GRM8: variants seen among roughly 807,000 people sequenced by gnomAD.
GRM8 encodes glutamate metabotropic receptor 8.
Under a neutral mutation model 87.2 loss-of-function variants are expected in GRM8, and 47 were observed. The ratio of observed to expected loss-of-function variants is 0.54; its 90% CI spans 0.43 to 0.69. The LOEUF (loss-of-function observed/expected upper bound fraction) is 0.69. Ranked by LOEUF, GRM8 falls within the 30% of genes least tolerant of loss-of-function variation. GRM8 has a pLI of 0.00. For synonymous variants in GRM8, 396 were observed against 404.5 expected (o/e 0.98, Z 0.25); for missense variants, 1,019 against 1,139.2 (o/e 0.89, Z 1.52).
chr7:126,564,889 G>T (rs1388404258), intron 8 of GRM8, among the ~76,000 whole-genome samples: 1 of 151,952 alleles, frequency 6.6e-6, no homozygotes, highest in Admixed American at 6.6e-5. Flanking sequence ...TGGCCAATTG[G>T]GATTTATCCC....
chr7:127,001,118 T>C (rs1163013481), intron 3 of GRM8, among the ~76,000 whole-genome samples: 1 of 151,630 alleles, frequency 6.6e-6, no homozygotes, highest in African/African-American at 2.4e-5. Context: ...TAGACACATA[T>C]ATGATCAATT....
rs182318641 is a variant in GRM8, at chr7:127,064,956, G to T, written c.727+41540C>A. On this transcript the variant is annotated intron_variant, in intron 3 of 10. Coordinates refer to ENST00000339582, the MANE Select transcript of GRM8 (RefSeq NM_000845.3). ...TTCAACCATTGTGGGAAGCAGTATG[G>T]CAATTCCTCAAAGAGCTAAAAGCAG... Among the ~76,000 whole-genome samples the T allele has an allele frequency of 3.2e-4, 48 of 152,310 alleles. No individual in the cohort carries two copies. In the East Asian group the frequency reaches 6.0e-3, roughly 19 times the overall value.
intron 10 of GRM8, 80 bp from the exon 11 acceptor site, chr7:126,439,248 C>T: frequency 1.2e-6 from 1 of 835,918 alleles, no homozygotes; most frequent in South Asian, 1.4e-5. Context: ...AATTCAAGTC[C>T]TGTAATGACT....
intron 2 of GRM8, among the ~76,000 whole-genome samples, chr7:127,177,481 T>C (rs1216859824): frequency 6.6e-6 from 1 of 152,130 alleles, no homozygotes; most frequent in East Asian, 1.9e-4. Flanking sequence ...TGCCAGGCCC[T>C]CTCCATACTA....
chr7:126,817,664 A>G (rs949221618), intron 6 of GRM8, among the ~76,000 whole-genome samples: 1 of 152,112 alleles, frequency 6.6e-6, no homozygotes, highest in African/African-American at 2.4e-5. Context: ...CATCCTAACC[A>G]CTTTTGCTAT....
intron 6 of GRM8, among the ~76,000 whole-genome samples, chr7:126,849,704 T>C (rs1797030883): frequency 6.6e-6 from 1 of 152,256 alleles, no homozygotes; most frequent in Non-Finnish European, 1.5e-5. Flanking sequence ...CCCCATTCTT[T>C]AAGAACCAGA....
chr7:126,510,913 A>G (rs1811274091), intron 9 of GRM8, among the ~76,000 whole-genome samples: 1 of 152,100 alleles, frequency 6.6e-6, no homozygotes, highest in Non-Finnish European at 1.5e-5. Flanking sequence ...AGGGCTTGCA[A>G]TAGAGCTACA....
chr7:126,784,895 C>A (rs10282012), intron 6 of GRM8, among the ~76,000 whole-genome samples: 1,932 of 152,230 alleles, frequency 0.013, 47 homozygotes, highest in African/African-American at 0.044. Context: ...AACATGCCCA[C>A]GTACAGTGTA....
rs189169530 is a variant in GRM8, at chr7:126,895,985, C to A, written c.1156+6557G>T. On this transcript the variant is annotated intron_variant, in intron 6 of 10. Coordinates refer to ENST00000339582, the MANE Select transcript of GRM8 (RefSeq NM_000845.3). ...ATTTTTCAACTATGTGGTAAAATAT[C>A]TAATATAAGTAAATAATAAATGGAG... Among the ~76,000 whole-genome samples, 187 of 144,586 alleles carry A rather than the reference C, an allele frequency of 1.3e-3. 1 individual carries two copies. Among genetic ancestry groups the A allele is most frequent in the African/African-American group, 4.8e-3 (184 of 38,386 alleles). The allele number at this position is 144,586 out of a possible 152,430, so 94.9% of individuals were successfully genotyped here.
chr7:126,571,645 T>C (rs997868076), intron 8 of GRM8, among the ~76,000 whole-genome samples: 1 of 152,120 alleles, frequency 6.6e-6, no homozygotes, highest in Non-Finnish European at 1.5e-5. Flanking sequence ...AGAGTCTGAA[T>C]CCCTGGGCTG....
chr7:126,933,299 C>T (rs574387521), intron 3 of GRM8, among the ~76,000 whole-genome samples: 79 of 152,180 alleles, frequency 5.2e-4, no homozygotes, highest in African/African-American at 1.9e-3. Flanking sequence ...CAGTCAGGTG[C>T]GAAGAGCAAT....
chr7:126,790,790 A>G (rs139569030), intron 6 of GRM8, among the ~76,000 whole-genome samples: 305 of 152,268 alleles, frequency 2.0e-3, no homozygotes, highest in African/African-American at 7.2e-3. Context: ...GAGGAAGGGC[A>G]GCAGCGATGC....
At chr7:126,845,525 C>G (rs994154028) in intron 6 of GRM8, among the ~76,000 whole-genome samples, 1 of 152,090 alleles carries the variant, frequency 6.6e-6, no homozygotes, top group East Asian at 1.9e-4. Context: ...TCATTCATTA[C>G]TAAACTTCCT....
At chr7:126,890,995 G>C (rs3873806) in intron 6 of GRM8, among the ~76,000 whole-genome samples, 21 of 151,926 alleles carry the variant, frequency 1.4e-4, no homozygotes, top group Admixed American at 2.6e-4. Context: ...ACATAACCAA[G>C]TAACCCTTCC....
intron 2 of GRM8, among the ~76,000 whole-genome samples, chr7:127,192,522 G>A (rs1040434081): frequency 2.6e-5 from 4 of 152,156 alleles, no homozygotes; most frequent in Non-Finnish European, 4.4e-5. Flanking sequence ...GCTCTCACCC[G>A]ATAGGTTTGT....
At chr7:126,485,842 T>G (rs1230706591) in intron 9 of GRM8, among the ~76,000 whole-genome samples, 1 of 151,864 alleles carries the variant, frequency 6.6e-6, no homozygotes, top group Non-Finnish European at 1.5e-5. Context: ...ACTCCCTCCT[T>G]TTTGCAGTTT....
At chr7:126,942,751 G>A (rs1052549124) in intron 3 of GRM8, among the ~76,000 whole-genome samples, 1 of 152,164 alleles carries the variant, frequency 6.6e-6, no homozygotes, top group African/African-American at 2.4e-5. Context: ...GTGAAGATGA[G>A]ACTCACCGGT....
chr7:126,568,714 C>T (rs1394588911), intron 8 of GRM8, among the ~76,000 whole-genome samples: 1 of 152,032 alleles, frequency 6.6e-6, no homozygotes, highest in Non-Finnish European at 1.5e-5. Context: ...AAATATTGAT[C>T]AAGCTACAAA....
intron 6 of GRM8, among the ~76,000 whole-genome samples, chr7:126,804,426 T>C (rs1160468006): frequency 1.3e-5 from 2 of 152,244 alleles, no homozygotes; most frequent in African/African-American, 2.4e-5. Context: ...TCTGCCATAA[T>C]TGGCCAGGTC....
Sources: gnomAD v4.1 joint callset for allele counts (sites outside exome capture counted in the v4.1 genomes callset) on GRCh38, gnomAD v4.1.1 for gene constraint, MANE v1.5 for transcripts, NCBI Gene and HGNC (gene_info 2026-07-23, HGNC 2026-07-21) for gene names.